RAP2A: variants seen among roughly 807,000 people sequenced by gnomAD.
RAP2A encodes the protein RAP2A, member of RAS oncogene family, also known as ras-related protein Rap-2a.
RAP2A carries 5 observed loss-of-function variants against 15.1 expected under a neutral mutation model. The observed-to-expected ratio is 0.33, with a 90% CI of 0.17 to 0.70. The LOEUF is 0.70. Ranked by LOEUF, RAP2A falls within the 30% of genes least tolerant of loss-of-function variation. The pLI is 0.68. For synonymous variants in RAP2A, 110 were observed against 99.7 expected (o/e 1.10, Z -0.62); for missense variants, 111 against 240.3 (o/e 0.46, Z 3.56).
At chr13:97,445,322 A>G (rs927798970) in intron 1 of RAP2A, among the ~76,000 whole-genome samples, 2 of 152,192 alleles carry the variant, frequency 1.3e-5, no homozygotes, top group Non-Finnish European at 2.9e-5. Context: ...AACTTTGACA[A>G]TCAGTAATGT....
intron 1 of RAP2A, among the ~76,000 whole-genome samples, chr13:97,457,548 T>G (rs2066728522): frequency 6.6e-6 from 1 of 152,024 alleles, no homozygotes; most frequent in African/African-American, 2.4e-5. Flanking sequence ...GGACAGATAA[T>G]TAAATTATGG....
intron 1 of RAP2A, among the ~76,000 whole-genome samples, chr13:97,457,703 A>G (rs1457652168): frequency 6.6e-6 from 1 of 152,170 alleles, no homozygotes; most frequent in Non-Finnish European, 1.5e-5. Flanking sequence ...AGCTATAGGT[A>G]TACTTATATT....
chr13:97,436,767 C>T (rs1207086698), intron 1 of RAP2A, among the ~76,000 whole-genome samples: 2 of 152,162 alleles, frequency 1.3e-5, no homozygotes, highest in Admixed American at 1.3e-4. Flanking sequence ...ACTCACTAGT[C>T]TCAGTTCTTG....
chr13:97,435,128 C>A (rs1199387786), intron 1 of RAP2A, among the ~76,000 whole-genome samples: 1 of 152,040 alleles, frequency 6.6e-6, no homozygotes, highest in Non-Finnish European at 1.5e-5. Context: ...CAGGTATAGT[C>A]GAGACATTTG....
rs540606373 is a variant in RAP2A at position 97,451,006 on chromosome 13, C to T, written c.315-13199C>T. Among the ~76,000 whole-genome samples the T allele has an allele frequency of 7.9e-5, 12 of 152,142 alleles. No individual in the cohort carries two copies. In the South Asian group the frequency reaches 2.5e-3, roughly 32 times the overall value. Reference sequence around the variant, plus strand: ...TACTTCAGTGTTAATATTCATTATGCTTTCAGTCTTTAGCCAGTTTTGGAT... The same window carrying T: ...TACTTCAGTGTTAATATTCATTATGTTTTCAGTCTTTAGCCAGTTTTGGAT... On this transcript the variant is annotated intron_variant, in intron 1 of 1. Coordinates refer to ENST00000245304, the MANE Select transcript of RAP2A (RefSeq NM_021033.7).
Position 97,434,836 on chromosome 13 carries a change from C to G in RAP2A, c.314+52C>G, listed in dbSNP as rs760396678. The G allele has an allele frequency of 1.6e-5, 26 of 1,598,112 alleles. No individual in the cohort carries two copies. In the East Asian group the frequency reaches 5.8e-4, roughly 36 times the overall value. On this transcript the variant is annotated intron_variant, in intron 1 of 1. Coordinates refer to ENST00000245304, the MANE Select transcript of RAP2A (RefSeq NM_021033.7). ...CGGCTGCACCCCGGAGTCACCGTCC[C>G]GGGGCTGGAACTCCCCGCGCGGGGC...
At chr13:97,437,067 T>C (rs1042144085) in intron 1 of RAP2A, among the ~76,000 whole-genome samples, 1 of 152,198 alleles carries the variant, frequency 6.6e-6, no homozygotes, top group Non-Finnish European at 1.5e-5. Flanking sequence ...TCAATAGAGA[T>C]ATAACGTGAG....
intron 1 of RAP2A, among the ~76,000 whole-genome samples, chr13:97,461,550 C>A (rs939338971): frequency 3.3e-5 from 5 of 152,122 alleles, no homozygotes; most frequent in Non-Finnish European, 7.4e-5. Flanking sequence ...TATTCAAATT[C>A]TTGATTTTAA....
At chr13:97,436,379 G>C (rs2066634473) in intron 1 of RAP2A, among the ~76,000 whole-genome samples, 1 of 152,022 alleles carries the variant, frequency 6.6e-6, no homozygotes, top group Non-Finnish European at 1.5e-5. Flanking sequence ...CCAACTGCAG[G>C]GTAGTCTGAT....
chr13:97,444,458 A>G (rs1439944031), intron 1 of RAP2A, among the ~76,000 whole-genome samples: 1 of 152,222 alleles, frequency 6.6e-6, no homozygotes, highest in African/African-American at 2.4e-5. Flanking sequence ...GGCTAGTTAT[A>G]TATAGTAACA....
rs112911105 is a variant in RAP2A, at chr13:97,464,636, C to A, written c.*194C>A. ...TGGGTTCAGTAACTACAGTTTTCACCATTTGTCCTCAGTCTCCTTTATGCA... is the reference window on the plus strand; with the variant it reads ...TGGGTTCAGTAACTACAGTTTTCACAATTTGTCCTCAGTCTCCTTTATGCA... On this transcript the variant is annotated 3_prime_UTR_variant, in exon 2 of 2. Transcript: ENST00000245304. 1.7e-5 allele frequency: 10 copies of A among 602,598 alleles called. No homozygotes were observed. Among genetic ancestry groups the A allele is most frequent in the African/African-American group, 3.7e-5 (2 of 54,166 alleles). 37.3% of individuals were successfully genotyped at this position (602,598 alleles called of 1,614,324 possible). A position where few individuals can be genotyped will look rare whatever the true frequency, so the allele number is the denominator to read the frequency against.
At chr13:97,445,225 A>G (rs2066674664) in intron 1 of RAP2A, among the ~76,000 whole-genome samples, 1 of 152,136 alleles carries the variant, frequency 6.6e-6, no homozygotes, top group African/African-American at 2.4e-5. Context: ...TATCCTCCCT[A>G]TCTAAAATAT....
chr13:97,462,940 T>C (rs2066753991), intron 1 of RAP2A, among the ~76,000 whole-genome samples: 1 of 152,194 alleles, frequency 6.6e-6, no homozygotes, highest in African/African-American at 2.4e-5. Context: ...ATTATCCAGT[T>C]TCCTGAATGA....
intron 1 of RAP2A, among the ~76,000 whole-genome samples, chr13:97,448,668 C>T (rs1217620036): frequency 6.6e-6 from 1 of 152,146 alleles, no homozygotes; most frequent in Non-Finnish European, 1.5e-5. Flanking sequence ...TCTTAATTTT[C>T]CCCAGTGACC....
At chr13:97,457,057 T>G (rs2066725995) in intron 1 of RAP2A, among the ~76,000 whole-genome samples, 1 of 152,086 alleles carries the variant, frequency 6.6e-6, no homozygotes, top group Non-Finnish European at 1.5e-5. Context: ...ATTAAAAGAT[T>G]AAAAATGTAA....
rs779348496 is a variant in RAP2A, at chr13:97,434,539, C to T, written c.69C>T (p.Phe23=). ...GVGKSALTVQ[F]VTGTFIEKYD... The stretch of plus-strand genomic sequence containing the variant: ...GCAAATCCGCCCTGACCGTGCAGTT[C>T]GTGACCGGCACCTTCATCGAGAAAT... The change falls in exon 1 of 2, where the codon TTC becomes TTT. Residue 23 remains phenylalanine (F), a synonymous_variant. Transcript: ENST00000245304. 3.7e-6 allele frequency: 6 copies of T among 1,613,952 alleles called. No homozygotes were observed. The highest frequency in any genetic ancestry group is 5.1e-6 in the Non-Finnish European group (6 of 1,179,954).
At position 97,469,046 on chromosome 13, in the gene RAP2A, C is replaced by A. The variant is rs1274072023; in HGVS notation, c.*4604C>A. On this transcript the variant is annotated 3_prime_UTR_variant, in exon 2 of 2. Transcript: ENST00000245304. Reference sequence around the variant, plus strand: ...TAAATACTAATAAAACATAGTTGCTCTTCATCTCTTAAATGGATCATTCCA... The same window carrying A: ...TAAATACTAATAAAACATAGTTGCTATTCATCTCTTAAATGGATCATTCCA... The A allele has an allele frequency of 6.6e-6, 1 of 152,018 alleles. No homozygotes were observed. Among genetic ancestry groups the A allele is most frequent in the Non-Finnish European group, 1.5e-5 (1 of 68,030 alleles). The allele number at this position is 152,018 out of a possible 1,614,324, so 9.4% of individuals were successfully genotyped here. A position where few individuals can be genotyped will look rare whatever the true frequency, so the allele number is the denominator to read the frequency against.
intron 1 of RAP2A, among the ~76,000 whole-genome samples, chr13:97,438,084 CAAAG>C (rs1162717958): frequency 1.3e-5 from 2 of 152,148 alleles, no homozygotes; most frequent in Non-Finnish European, 2.9e-5. Context: ...ATGACACACA[CAAAG>C]AAGAGTAACA....
chr13:97,444,241 A>G (rs534806420), intron 1 of RAP2A, among the ~76,000 whole-genome samples: 2 of 152,232 alleles, frequency 1.3e-5, no homozygotes, highest in African/African-American at 4.8e-5. Context: ...TATATTGGCT[A>G]TAAATGGTGG....
Sources: gnomAD v4.1 joint callset for allele counts (sites outside exome capture counted in the v4.1 genomes callset) on GRCh38, gnomAD v4.1.1 for gene constraint, MANE v1.5 for transcripts, NCBI Gene and HGNC (gene_info 2026-07-23, HGNC 2026-07-21) for gene names.